The following ARK2C variants were observed in gnomAD, a reference collection of about 807,000 sequenced individuals.
ARK2C encodes the protein arkadia (RNF111) C-terminal like ring finger ubiquitin ligase 2C, also known as E3 ubiquitin-protein ligase ARK2C.
chr18:46,350,375 G>C, the ARK2C span, among the ~76,000 whole-genome samples: 12 of 152,322 alleles, frequency 7.9e-5, no homozygotes, highest in South Asian at 1.2e-3. Context: ...GCTCTGTTTG[G>C]ATGCCATGTG....
the ARK2C span, among the ~76,000 whole-genome samples, chr18:46,454,054 A>G: frequency 7.4e-6 from 1 of 135,816 alleles, no homozygotes; most frequent in Admixed American, 8.1e-5. Context: ...TCAAGCCTGC[A>G]GTGAGCCGTG....
chr18:46,402,171 A>G, the ARK2C span, among the ~76,000 whole-genome samples: 5 of 152,370 alleles, frequency 3.3e-5, no homozygotes, highest in Non-Finnish European at 7.3e-5. Flanking sequence ...TCTGACATGT[A>G]TATACCTATG....
At chr18:46,379,601 T>C in the ARK2C span, among the ~76,000 whole-genome samples, 1 of 152,206 alleles carries the variant, frequency 6.6e-6, no homozygotes, top group Non-Finnish European at 1.5e-5. Flanking sequence ...CAGGGCAAAG[T>C]CGCTCTTTGA....
the ARK2C span, among the ~76,000 whole-genome samples, chr18:46,372,893 G>C: frequency 6.6e-6 from 1 of 152,228 alleles, no homozygotes; most frequent in Non-Finnish European, 1.5e-5. Context: ...CAATGAGCTT[G>C]CTCACCACTG....
chr18:46,405,754 C>G, the ARK2C span, among the ~76,000 whole-genome samples: 75 of 152,008 alleles, frequency 4.9e-4, 2 homozygotes, highest in South Asian at 0.011. Context: ...AATATGATGT[C>G]TATGTGAGCC....
At chr18:46,356,072 A>G in the ARK2C span, among the ~76,000 whole-genome samples, 1 of 152,322 alleles carries the variant, frequency 6.6e-6, no homozygotes, top group South Asian at 2.1e-4. Context: ...CCCCTGGCCC[A>G]AATCTCCACC....
chr18:46,445,236 G>A, the ARK2C span, among the ~76,000 whole-genome samples: 1 of 152,076 alleles, frequency 6.6e-6, no homozygotes, highest in East Asian at 1.9e-4. Context: ...ATCCTTTTAA[G>A]GCTTGCTTTT....
At chr18:46,349,633 A>AGTGG in the ARK2C span, among the ~76,000 whole-genome samples, 2 of 152,164 alleles carry the variant, frequency 1.3e-5, no homozygotes, top group African/African-American at 4.8e-5. Context: ...ACAGTTCTGG[A>AGTGG]GTGGGCTCTT....
chr18:46,444,933 T>C, the ARK2C span, among the ~76,000 whole-genome samples: 1 of 152,154 alleles, frequency 6.6e-6, no homozygotes, highest in African/African-American at 2.4e-5. Context: ...TCCTCTTCTA[T>C]ATATTTTACT....
chr18:46,426,512 T>A, the ARK2C span, among the ~76,000 whole-genome samples: 2 of 152,234 alleles, frequency 1.3e-5, no homozygotes, highest in South Asian at 4.2e-4. Context: ...CACCTGTGGG[T>A]TCCCCCTGTC....
At chr18:46,426,598 C>G in the ARK2C span, among the ~76,000 whole-genome samples, 1 of 152,218 alleles carries the variant, frequency 6.6e-6, no homozygotes, top group Non-Finnish European at 1.5e-5. Flanking sequence ...GGTACAGCTC[C>G]TGGCCAATTC....
chr18:46,366,480 C>T, the ARK2C span, among the ~76,000 whole-genome samples: 1 of 152,108 alleles, frequency 6.6e-6, no homozygotes, highest in South Asian at 2.1e-4. Flanking sequence ...CTCAGATACT[C>T]ATTTTATGAT....
At chr18:46,374,436 C>T in the ARK2C span, among the ~76,000 whole-genome samples, 5 of 152,140 alleles carry the variant, frequency 3.3e-5, no homozygotes, top group Non-Finnish European at 7.3e-5. Flanking sequence ...CCCGCCAGCC[C>T]CTGGCAGCCT....
chr18:46,359,529 G>A, the ARK2C span, among the ~76,000 whole-genome samples: 112 of 152,314 alleles, frequency 7.4e-4, 1 homozygote, highest in Non-Finnish European at 4.0e-4. Flanking sequence ...CAAGCTGACT[G>A]GTGGGGCTGG....
chr18:46,340,472 G>A, the ARK2C span, among the ~76,000 whole-genome samples: 110 of 152,310 alleles, frequency 7.2e-4, no homozygotes, highest in African/African-American at 2.5e-3. Flanking sequence ...CAGAAGAAAT[G>A]GAGACCTGAG....
At chr18:46,450,135 G>T in the ARK2C span, among the ~76,000 whole-genome samples, 116 of 152,274 alleles carry the variant, frequency 7.6e-4, no homozygotes, top group African/African-American at 2.7e-3. Context: ...GCAAGGCTTG[G>T]TTCTTGATGA....
the ARK2C span, among the ~76,000 whole-genome samples, chr18:46,432,941 T>TCTCAAAAAATAAA: frequency 6.6e-6 from 1 of 151,486 alleles, no homozygotes; most frequent in Admixed American, 6.6e-5. Flanking sequence ...CGAGACTCCG[T>TCTCAAAAAATAAA]CTCAAAAAAT....
chr18:46,435,267 C>T, the ARK2C span: 3 of 1,607,722 alleles, frequency 1.9e-6, no homozygotes, highest in South Asian at 1.1e-5. Flanking sequence ...GACACGAGGG[C>T]TCTCCATCCC....
the ARK2C span, chr18:46,460,399 A>G: frequency 6.6e-6 from 1 of 152,490 alleles, no homozygotes; most frequent in Non-Finnish European, 1.5e-5. Flanking sequence ...AAAAACAAAA[A>G]ACATGGCACG....
Sources: gnomAD v4.1 joint callset for allele counts (sites outside exome capture counted in the v4.1 genomes callset) on GRCh38, gnomAD v4.1.1 for gene constraint, MANE v1.5 for transcripts, NCBI Gene and HGNC (gene_info 2026-07-23, HGNC 2026-07-21) for gene names.